SMCHD1: variants seen among roughly 807,000 people sequenced by gnomAD.
The protein encoded by SMCHD1 is structural maintenance of chromosomes flexible hinge domain-containing protein 1.
SMCHD1 carries 78 observed loss-of-function variants against 254.7 expected under a neutral mutation model. That is an observed-to-expected ratio of 0.31 (90% confidence interval 0.26 to 0.37). The LOEUF (loss-of-function observed/expected upper bound fraction) is 0.37. Ranked by LOEUF, SMCHD1 falls within the 10% of genes least tolerant of loss-of-function variation. The pLI is 1.00. For synonymous variants in SMCHD1, 766 were observed against 794.9 expected (o/e 0.96, Z 0.61); for missense variants, 1,840 against 2,408.1 (o/e 0.76, Z 4.94).
Position 2,666,838 on chromosome 18 carries a change from C to A in SMCHD1, c.263-32C>A, listed in dbSNP as rs768106931. ...AGTTCATTGAGTTTCTGATGCTGAC[C>A]TAGCACTTATGATTTTCACTCTTGA... On this transcript the variant is annotated intron_variant, in intron 2 of 47. Transcript: ENST00000320876. 2.5e-6 allele frequency: 4 copies of A among 1,576,596 alleles called. No homozygotes were observed. The South Asian group carries it at 4.5e-5, about 18-fold the overall frequency.
At chr18:2,754,349 T>C (rs2075632456) in intron 34 of SMCHD1, among the ~76,000 whole-genome samples, 2 of 152,218 alleles carry the variant, frequency 1.3e-5, no homozygotes, top group African/African-American at 4.8e-5. Flanking sequence ...CTCATAGCTA[T>C]GTTTTATTGA....
intron 34 of SMCHD1, among the ~76,000 whole-genome samples, chr18:2,758,051 T>C (rs1450752970): frequency 6.6e-6 from 1 of 152,006 alleles, no homozygotes; most frequent in Non-Finnish European, 1.5e-5. Context: ...TTTGCATATA[T>C]AGATAGATAG....
intron 7 of SMCHD1, among the ~76,000 whole-genome samples, chr18:2,693,758 A>G (rs1598325703): frequency 6.6e-6 from 1 of 151,938 alleles, no homozygotes; most frequent in African/African-American, 2.4e-5. Context: ...CAGCCTCCCT[A>G]GTAGCTGGGT....
intron 36 of SMCHD1, among the ~76,000 whole-genome samples, chr18:2,762,492 CTTTT>C (rs10708453): frequency 2.4e-5 from 3 of 126,804 alleles, no homozygotes; most frequent in Admixed American, 8.3e-5. Context: ...ATCTGCCTAC[CTTTT>C]TTTTTTTTTT....
rs115927532 is a variant in SMCHD1, at chr18:2,705,886, G to A, written c.1956+79G>A. On this transcript the variant is annotated intron_variant, in intron 14 of 47. Transcript: ENST00000320876. ...TAATTGTTAAGATACAGTATATTTC[G>A]CTAGTGACTAGTTTTCCATTGGATA... is the stretch of plus-strand genomic sequence containing the variant. 2,479 of 794,468 alleles carry A rather than the reference G, an allele frequency of 3.1e-3. 24 individuals carry two copies. Among genetic ancestry groups the A allele is most frequent in the African/African-American group, 0.025 (1,449 of 57,618 alleles). The allele number at this position is 794,468 out of a possible 1,614,324, so 49.2% of individuals were successfully genotyped here. A position where few individuals can be genotyped will look rare whatever the true frequency, so the allele number is the denominator to read the frequency against.
intron 37 of SMCHD1, among the ~76,000 whole-genome samples, chr18:2,768,518 T>G (rs2075911226): frequency 6.6e-6 from 1 of 151,894 alleles, no homozygotes; most frequent in African/African-American, 2.4e-5. Context: ...GAGAAACATT[T>G]GGAGATATAT....
intron 5 of SMCHD1, among the ~76,000 whole-genome samples, chr18:2,683,088 G>T (rs1317499167): frequency 1.3e-5 from 2 of 152,154 alleles, no homozygotes; most frequent in South Asian, 4.1e-4. Context: ...ATGTATGTAT[G>T]TTGTGTTTTA....
At chr18:2,736,525 A>T (rs62084259) in intron 25 of SMCHD1, among the ~76,000 whole-genome samples, 29,514 of 152,150 alleles carry the variant, frequency 0.19, 3,112 homozygotes, top group South Asian at 0.27. Context: ...AGGTCTAATA[A>T]CCAGAATCTA....
intron 1 of SMCHD1, among the ~76,000 whole-genome samples, chr18:2,657,125 A>AG (rs1368858144): frequency 6.6e-6 from 1 of 152,212 alleles, no homozygotes; most frequent in African/African-American, 2.4e-5. Context: ...TTAGCGTCCA[A>AG]GGGAAAAAAA....
At chr18:2,738,645 C>T in intron 26 of SMCHD1, 100 bp downstream of exon 26, 1 of 1,009,020 alleles carries the variant, frequency 9.9e-7, no homozygotes, top group Non-Finnish European at 1.4e-6. Flanking sequence ...ATTACGGTTT[C>T]TATGAAATAT....
Position 2,770,054 on chromosome 18 carries a change from G to A in SMCHD1, c.4912G>A (p.Val1638Ile), listed in dbSNP as rs370473143. 4.5e-5 allele frequency: 72 copies of A among 1,605,330 alleles called. No individual in the cohort carries two copies. In the Middle Eastern group the frequency reaches 1.7e-3, roughly 37 times the overall value. Residue 1638 changes from valine (V) to isoleucine (I), a missense_variant, in exon 39 of 48, where the codon GTT becomes ATT. Transcript: ENST00000320876. ...AAAGGACCAATTATCTCAGTCTATTGTTATGTATAAAAGTTTATTTGAAGC... is the reference window on the plus strand; with the variant it reads ...AAAGGACCAATTATCTCAGTCTATTATTATGTATAAAAGTTTATTTGAAGC... ...KEKDQLSQSI[V>I]MYKSLFEASQ...
intron 29 of SMCHD1, among the ~76,000 whole-genome samples, chr18:2,745,007 C>G (rs568018316): frequency 1.3e-5 from 2 of 152,176 alleles, no homozygotes; most frequent in African/African-American, 4.8e-5. Flanking sequence ...CCATTCCTGG[C>G]TAATTTTGTA....
At chr18:2,706,337 G>T in intron 14 of SMCHD1, 27 bp from the exon 15 acceptor site, 2 of 1,432,638 alleles carry the variant, frequency 1.4e-6, no homozygotes, top group South Asian at 1.4e-5. Context: ...AGTTTTCTTT[G>T]AAATGTTGGT....
intron 7 of SMCHD1, among the ~76,000 whole-genome samples, chr18:2,690,652 T>C (rs2074154873): frequency 6.6e-6 from 1 of 150,906 alleles, no homozygotes; most frequent in African/African-American, 2.4e-5. Context: ...TTTTCTTTTT[T>C]TTTTTTTTTT....
At chr18:2,749,489 T>C (rs2075531167) in intron 30 of SMCHD1, among the ~76,000 whole-genome samples, 1 of 152,234 alleles carries the variant, frequency 6.6e-6, no homozygotes, top group Non-Finnish European at 1.5e-5. Flanking sequence ...GAGACCCTTC[T>C]AGACCAGTTA....
At chr18:2,724,416 G>A (rs2074986078) in intron 20 of SMCHD1, among the ~76,000 whole-genome samples, 1 of 151,910 alleles carries the variant, frequency 6.6e-6, no homozygotes, top group South Asian at 2.1e-4. Context: ...GTCATCATAA[G>A]CCTGTCTGTT....
At chr18:2,707,716 G>A (rs984998509) in intron 16 of SMCHD1, 71 bp downstream of exon 16, 4 of 1,458,616 alleles carry the variant, frequency 2.7e-6, no homozygotes, top group Non-Finnish European at 3.8e-6. Context: ...ATATGTAAAA[G>A]GTCACGAGAT....
chr18:2,667,048 T>C lies in SMCHD1; in HGVS notation c.424+17T>C, dbSNP rs1194767332. On this transcript the variant is annotated intron_variant, in intron 3 of 47. Transcript: ENST00000320876. ...ATCCTTTGCGTAAGTATCCCATTCATACTAATTTTGATAAATTATTACCTG... is the reference window on the plus strand; with the variant it reads ...ATCCTTTGCGTAAGTATCCCATTCACACTAATTTTGATAAATTATTACCTG... The C allele has an allele frequency of 2.0e-6, 3 of 1,536,242 alleles. No individual in the cohort carries two copies. The highest frequency in any genetic ancestry group is 2.7e-5 in the African/African-American group (2 of 73,084).
At chr18:2,755,480 C>A (rs190586736) in intron 34 of SMCHD1, among the ~76,000 whole-genome samples, 9 of 148,646 alleles carry the variant, frequency 6.1e-5, no homozygotes, top group African/African-American at 2.2e-4. Flanking sequence ...TTTGTAGATT[C>A]TTTGGGATTT....
Sources: allele counts gnomAD v4.1 joint callset (sites outside exome capture counted in the v4.1 genomes callset), GRCh38; gene constraint gnomAD v4.1.1; transcripts MANE v1.5; gene names NCBI Gene and HGNC (gene_info 2026-07-23, HGNC 2026-07-21).